Variants in SEC63 observed in about 807,000 individuals in gnomAD.
The protein encoded by SEC63 is translocation protein SEC63 homolog.
SEC63 carries 56 observed loss-of-function variants against 116.2 expected under a neutral mutation model. That is an observed-to-expected ratio of 0.48 (90% CI 0.39 to 0.60). SEC63 has a LOEUF of 0.60. SEC63 is among the 20% of genes least tolerant of loss of function. The pLI is 0.00. For missense variants in SEC63, 668 were observed against 900.0 expected (o/e 0.74, Z 3.30); for synonymous variants, 273 against 294.6 (o/e 0.93, Z 0.75).
At chr6:107,905,063 T>C (rs923126049) in intron 10 of SEC63, among the ~76,000 whole-genome samples, 2 of 152,158 alleles carry the variant, frequency 1.3e-5, no homozygotes, top group Non-Finnish European at 2.9e-5. Context: ...AATAAATATG[T>C]CAGCTAAATA....
chr6:107,929,603 C>T lies in SEC63; in HGVS notation c.125-89G>A, dbSNP rs1470440274. The T allele has an allele frequency of 6.6e-6, 5 of 755,660 alleles. No individual in the cohort carries two copies. The East Asian group carries it at 1.3e-4, about 19-fold the overall frequency. The allele number at this position is 755,660 out of a possible 1,614,324, so 46.8% of individuals were successfully genotyped here. A position where few individuals can be genotyped will look rare whatever the true frequency, so the allele number is the denominator to read the frequency against. On this transcript the variant is annotated intron_variant, in intron 1 of 20. Coordinates refer to ENST00000369002, the MANE Select transcript of SEC63 (RefSeq NM_007214.5). ...TAACTGGTTAACTAACCTTCATTAC[C>T]ACGCTAATAGTTTAATGGAACATGA... is the stretch of plus-strand genomic sequence containing the variant.
intron 4 of SEC63, among the ~76,000 whole-genome samples, chr6:107,920,527 T>C (rs1467870081): frequency 2.0e-5 from 3 of 151,642 alleles, no homozygotes; most frequent in Non-Finnish European, 4.4e-5. Context: ...AACAAAAAAA[T>C]TTGTGACTCA....
At chr6:107,890,562 ATTTACATTT>A in intron 16 of SEC63, among the ~76,000 whole-genome samples, 1 of 152,268 alleles carries the variant, frequency 6.6e-6, no homozygotes, top group Non-Finnish European at 1.5e-5. Context: ...CATTTAGCCC[ATTTACATTT>A]AAGGTTAATA....
At chr6:107,931,435 T>G (rs997827227) in intron 1 of SEC63, among the ~76,000 whole-genome samples, 1 of 151,684 alleles carries the variant, frequency 6.6e-6, no homozygotes, top group Admixed American at 6.6e-5. Context: ...TAGTATGTAT[T>G]GTTTTACTAA....
chr6:107,880,871 A>G (rs1383183787), intron 18 of SEC63: 1 of 318,550 alleles, frequency 3.1e-6, no homozygotes, highest in Non-Finnish European at 5.9e-6. Context: ...ATGAGAAATC[A>G]CCATTACACA....
intron 4 of SEC63, among the ~76,000 whole-genome samples, chr6:107,920,694 T>C (rs1787535787): frequency 6.6e-6 from 1 of 152,200 alleles, no homozygotes; most frequent in South Asian, 2.1e-4. Flanking sequence ...CACTCTTTCA[T>C]TCAATGTAAG....
At chr6:107,878,360 T>A (rs1233656954) in intron 18 of SEC63, among the ~76,000 whole-genome samples, 1 of 152,252 alleles carries the variant, frequency 6.6e-6, no homozygotes, top group Non-Finnish European at 1.5e-5. Flanking sequence ...AGGTGGCAGT[T>A]ATGATTATTA....
At chr6:107,950,893 T>A (rs1770567051) in intron 1 of SEC63, among the ~76,000 whole-genome samples, 1 of 152,246 alleles carries the variant, frequency 6.6e-6, no homozygotes, top group Non-Finnish European at 1.5e-5. Flanking sequence ...TTTTGATTAT[T>A]CGAAATTCTA....
At chr6:107,900,865 G>A in intron 13 of SEC63, among the ~76,000 whole-genome samples, 1 of 152,196 alleles carries the variant, frequency 6.6e-6, no homozygotes, top group East Asian at 1.9e-4. Flanking sequence ...AATTATATAG[G>A]TAGAAAAATA....
intron 17 of SEC63, among the ~76,000 whole-genome samples, chr6:107,882,477 C>G (rs1164831134): frequency 6.6e-6 from 1 of 152,136 alleles, no homozygotes; most frequent in Admixed American, 6.6e-5. Context: ...AAGACTTCCC[C>G]TGTCCTTAAT....
rs997097347 is a variant in SEC63, at chr6:107,924,873, T to C, written c.284A>G (p.Lys95Arg). ...LFLFLAYKVS[K>R]TDREYQEYNP... ...GTATTCTTGGTATTCTCGGTCTGTTTTGGAAACTTTATATGCAAGGAATAA... is the reference window on the plus strand; with the variant it reads ...GTATTCTTGGTATTCTCGGTCTGTTCTGGAAACTTTATATGCAAGGAATAA... The change falls in exon 3 of 21, where the codon AAA (lysine) becomes AGA (arginine). Residue 95 changes from lysine (K) to arginine (R), a missense_variant. Lys to Arg is a conservative substitution (Grantham distance 26). Coordinates refer to ENST00000369002, the MANE Select transcript of SEC63 (RefSeq NM_007214.5). 6 of 1,606,992 alleles carry C rather than the reference T, an allele frequency of 3.7e-6. No homozygotes were observed. The African/African-American group carries it at 8.0e-5, about 22-fold the overall frequency.
At chr6:107,956,096 G>T in intron 1 of SEC63, 1 of 259,626 alleles carries the variant, frequency 3.9e-6, no homozygotes. Context: ...GGGTAAATGA[G>T]ACTCTCCCCG....
At chr6:107,936,925 G>A (rs1425341723) in intron 1 of SEC63, among the ~76,000 whole-genome samples, 1 of 152,084 alleles carries the variant, frequency 6.6e-6, no homozygotes, top group Non-Finnish European at 1.5e-5. Flanking sequence ...CTAGACCTCA[G>A]TGTCAATTGT....
rs1444955868 is a variant in SEC63 at position 107,903,127 on chromosome 6, T to A, written c.1055-129A>T. ...CAAATTTGAGGATCATAGTAAGATT[T>A]TCCTTTAAAAGTTACCAGAGAAGAC... On this transcript the variant is annotated intron_variant, in intron 11 of 20. Coordinates refer to ENST00000369002, the MANE Select transcript of SEC63 (RefSeq NM_007214.5). 1.0e-5 allele frequency: 10 copies of A among 959,730 alleles called. No homozygotes were observed. In the East Asian group the frequency reaches 2.6e-4, roughly 25 times the overall value. The allele number at this position is 959,730 out of a possible 1,614,324, so 59.5% of individuals were successfully genotyped here.
intron 6 of SEC63, 74 bp from the exon 7 acceptor site, chr6:107,911,470 G>A (rs939475131): frequency 2.3e-5 from 22 of 967,166 alleles, no homozygotes; most frequent in Non-Finnish European, 3.5e-5. Context: ...TTATTTTGAG[G>A]CTTACAATGG....
chr6:107,901,314 T>G, intron 13 of SEC63, 56 bp downstream of exon 13: 5 of 1,540,544 alleles, frequency 3.2e-6, no homozygotes, highest in South Asian at 1.1e-5. Flanking sequence ...GTCAAATAAA[T>G]GAGAACCAAT....
In SEC63 at chr6:107,940,584, G is replaced by T. The variant is rs537551603; in HGVS notation, c.125-11070C>A. 3.3e-5 allele frequency among the ~76,000 whole-genome samples: 5 copies of T among 150,642 alleles called. No homozygotes were observed. In the South Asian group the frequency reaches 1.0e-3, roughly 32 times the overall value. On this transcript the variant is annotated intron_variant, in intron 1 of 20. Transcript: ENST00000369002. ...CTTCAGAAATTCACAAATGTCCTCT[G>T]GGACACAAAATTGCCCCTGATTTAA...
Position 107,947,652 on chromosome 6 carries a change from A to T in SEC63, c.124+10234T>A, listed in dbSNP as rs567527241. 4.6e-5 allele frequency among the ~76,000 whole-genome samples: 7 copies of T among 152,350 alleles called. No homozygotes were observed. In the East Asian group the frequency reaches 9.6e-4, roughly 21 times the overall value. On this transcript the variant is annotated intron_variant, in intron 1 of 20. Coordinates refer to ENST00000369002, the MANE Select transcript of SEC63 (RefSeq NM_007214.5). ...TTGGGCCAATCACCAAAAGCTTTCA[A>T]GAGGACAAGAAATAAGTAATCCTAG...
intron 14 of SEC63, among the ~76,000 whole-genome samples, chr6:107,897,420 T>C (rs959710943): frequency 3.3e-5 from 5 of 152,224 alleles, no homozygotes; most frequent in East Asian, 1.9e-4. Context: ...TTGTTATGAT[T>C]ATGTTTTATA....
Sources: gnomAD v4.1 joint callset for allele counts (sites outside exome capture counted in the v4.1 genomes callset) on GRCh38, gnomAD v4.1.1 for gene constraint, MANE v1.5 for transcripts, NCBI Gene and HGNC (gene_info 2026-07-23, HGNC 2026-07-21) for gene names.